TPRG1: variants seen among roughly 807,000 people sequenced by gnomAD.
TPRG1 encodes the protein tumor protein p63 regulated 1.
Under a neutral mutation model 29.3 loss-of-function variants are expected in TPRG1, and 29 were observed. The observed-to-expected ratio is 0.99, with a 90% CI of 0.74 to 1.35. TPRG1 has a LOEUF of 1.35. Ranked by LOEUF, TPRG1 falls within the 40% of genes most tolerant of loss-of-function variation. The pLI is 0.00. For synonymous variants in TPRG1, 130 were observed against 116.8 expected, an observed-to-expected ratio of 1.11 and a Z score of -0.73; for missense variants, 327 against 335.0, an observed-to-expected ratio of 0.98 and a Z score of 0.19.
chr3:189,139,529 T>C (rs987031972), intron 3 of TPRG1, among the ~76,000 whole-genome samples: 14 of 152,214 alleles, frequency 9.2e-5, no homozygotes, highest in African/African-American at 3.4e-4. Flanking sequence ...ATCAGACAAT[T>C]ACCAGCCGAG....
chr3:189,292,228 C>T (rs1049657923), intron 4 of TPRG1, among the ~76,000 whole-genome samples: 70 of 149,240 alleles, frequency 4.7e-4, no homozygotes, highest in Admixed American at 3.0e-3. Flanking sequence ...GCAGAATTTA[C>T]ACAGAATAGT....
intron 1 of TPRG1, among the ~76,000 whole-genome samples, chr3:189,174,085 C>A (rs1378466881): frequency 6.6e-6 from 1 of 152,142 alleles, no homozygotes; most frequent in Non-Finnish European, 1.5e-5. Flanking sequence ...AAATAAGTGC[C>A]ACTCAGTTTG....
chr3:189,067,701 A>G (rs749854034), intron 4 of TPRG1, among the ~76,000 whole-genome samples: 6 of 152,214 alleles, frequency 3.9e-5, no homozygotes, highest in Non-Finnish European at 5.9e-5. Flanking sequence ...TAAATGTAAG[A>G]CCTCAAGCTA....
chr3:189,067,915 T>C (rs1437581965), intron 4 of TPRG1, among the ~76,000 whole-genome samples: 5 of 152,140 alleles, frequency 3.3e-5, no homozygotes, highest in African/African-American at 1.2e-4. Flanking sequence ...TTGCAATCTA[T>C]CTGGCTGACA....
intron 3 of TPRG1, among the ~76,000 whole-genome samples, chr3:189,146,377 A>G (rs1725266372): frequency 6.6e-6 from 1 of 152,224 alleles, no homozygotes; most frequent in Non-Finnish European, 1.5e-5. Flanking sequence ...GACAATTACT[A>G]GGAATTTTCC....
intron 1 of TPRG1, among the ~76,000 whole-genome samples, chr3:189,204,932 G>GTCTCTCTC (rs141862299): frequency 7.4e-6 from 1 of 135,072 alleles, no homozygotes; most frequent in African/African-American, 2.7e-5. Flanking sequence ...CTGTCTCTAT[G>GTCTCTCTC]TCTCTCTCTC....
chr3:189,166,797 A>C (rs936961710), intron 5 of TPRG1, among the ~76,000 whole-genome samples: 1 of 152,202 alleles, frequency 6.6e-6, no homozygotes, highest in Non-Finnish European at 1.5e-5. Context: ...GGAAGAAAAA[A>C]ATAATCCAAT....
chr3:189,169,414 C>A (rs1212772890), upstream of TPRG1, among the ~76,000 whole-genome samples: 1 of 152,192 alleles, frequency 6.6e-6, no homozygotes, highest in Non-Finnish European at 1.5e-5. Flanking sequence ...ATCCGCTCAC[C>A]TCGGCCTCCC....
chr3:189,101,978 G>T (rs1719259425), intron 1 of TPRG1, among the ~76,000 whole-genome samples: 2 of 152,064 alleles, frequency 1.3e-5, no homozygotes, highest in African/African-American at 4.8e-5. Flanking sequence ...CTAACAAATA[G>T]AGGTACTGAG....
chr3:189,207,438 G>A lies in TPRG1; in HGVS notation c.54G>A (p.Glu18=). The A allele has an allele frequency of 1.9e-6, 3 of 1,614,038 alleles. No homozygotes were observed. Among genetic ancestry groups the A allele is most frequent in the African/African-American group, 1.3e-5 (1 of 75,016 alleles). The change falls in exon 2 of 6, where the codon GAG becomes GAA. Residue 18 remains glutamate (E), a synonymous_variant. Transcript: ENST00000345063. The part of the protein sequence containing the change: ...EGFQAVSLKQ[E]GDDQPSETDH... ...TCCAGGCTGTGTCTCTGAAGCAAGA[G>A]GGAGATGACCAACCCTCTGAGACTG... is the stretch of plus-strand genomic sequence containing the variant.
chr3:189,102,268 G>T (rs1335991789), intron 1 of TPRG1, among the ~76,000 whole-genome samples: 1 of 152,090 alleles, frequency 6.6e-6, no homozygotes, highest in African/African-American at 2.4e-5. Context: ...ACCTCCTAGG[G>T]CTGTATGTAG....
chr3:189,215,860 T>C (rs1019612557), intron 3 of TPRG1, among the ~76,000 whole-genome samples: 1 of 152,176 alleles, frequency 6.6e-6, no homozygotes, highest in Non-Finnish European at 1.5e-5. Flanking sequence ...TGAAGATAGC[T>C]AAGTCAGGTA....
intron 4 of TPRG1, among the ~76,000 whole-genome samples, chr3:189,271,064 G>A (rs569591121): frequency 6.8e-4 from 104 of 152,282 alleles, no homozygotes; most frequent in African/African-American, 2.3e-3. Flanking sequence ...GAGAGTGGTT[G>A]ACTTTTGATT....
intron 4 of TPRG1, among the ~76,000 whole-genome samples, chr3:189,041,308 A>G (rs1714618106): frequency 6.6e-6 from 1 of 152,188 alleles, no homozygotes; most frequent in Non-Finnish European, 1.5e-5. Flanking sequence ...CAAATGATAA[A>G]CTAAAAGCTG....
At chr3:189,058,778 TTA>T in intron 4 of TPRG1, among the ~76,000 whole-genome samples, 1 of 152,306 alleles carries the variant, frequency 6.6e-6, no homozygotes, top group South Asian at 2.1e-4. Context: ...CACTCAGCCT[TTA>T]TCGCTGGGGC....
intron 1 of TPRG1, among the ~76,000 whole-genome samples, chr3:189,174,925 C>T (rs1426022919): frequency 6.6e-6 from 1 of 152,152 alleles, no homozygotes; most frequent in Non-Finnish European, 1.5e-5. Context: ...ATATAATGCC[C>T]TGTTTCCAAA....
intron 1 of TPRG1, among the ~76,000 whole-genome samples, chr3:189,114,853 A>G (rs1720984128): frequency 6.6e-6 from 1 of 152,224 alleles, no homozygotes; most frequent in South Asian, 2.1e-4. Flanking sequence ...TTAGTCAGTT[A>G]TAGCCCTGAG....
At chr3:189,267,460 A>G (rs991200213) in intron 4 of TPRG1, 3 of 152,246 alleles carry the variant, frequency 2.0e-5, no homozygotes, top group Non-Finnish European at 4.4e-5. Flanking sequence ...ACAAAGCCCA[A>G]AATAAAGATG....
At position 189,138,979 on chromosome 3, in the gene TPRG1, A is replaced by G. The variant is rs183945548; in HGVS notation, c.-291+6282A>G. Among the ~76,000 whole-genome samples, 37 of 152,278 alleles carry G rather than the reference A, an allele frequency of 2.4e-4. No individual in the cohort carries two copies. The East Asian group carries it at 7.0e-3, about 29-fold the overall frequency. On this transcript the variant is annotated intron_variant, in intron 3 of 6. Coordinates refer to the TPRG1 transcript ENST00000412373. ...GTGTTTGTACTCAGACAGAAAAAAA[A>G]TCTGCTCCAGCCATGAGAAAATGGA...
Sources: gnomAD v4.1 joint callset for allele counts (sites outside exome capture counted in the v4.1 genomes callset) on GRCh38, gnomAD v4.1.1 for gene constraint, MANE v1.5 for transcripts, NCBI Gene and HGNC (gene_info 2026-07-23, HGNC 2026-07-21) for gene names.